The following MICAL3 variants were observed in gnomAD, a reference collection of about 807,000 sequenced individuals.
MICAL3 encodes [F-actin]-monooxygenase MICAL3.
A neutral mutation model predicts 207.4 loss-of-function variants in MICAL3; 62 were observed. That is an observed-to-expected ratio of 0.30 (90% CI 0.24 to 0.37). MICAL3 has a LOEUF of 0.37. Among genes scored for constraint, MICAL3 ranks in the 10% least tolerant of loss-of-function variants. The probability of loss-of-function intolerance (pLI) is 1.00; values close to 1 mark genes in which losing one functional copy is unlikely to be tolerated. For synonymous variants in MICAL3, 1,077 were observed against 1,069.3 expected, an observed-to-expected ratio of 1.01 and a Z score of -0.14; for missense variants, 2,368 against 2,635.6, an observed-to-expected ratio of 0.90 and a Z score of 2.22.
At chr22:17,859,539 C>T (rs1926287038) in intron 19 of MICAL3, among the ~76,000 whole-genome samples, 1 of 152,214 alleles carries the variant, frequency 6.6e-6, no homozygotes, top group East Asian at 1.9e-4. Flanking sequence ...AGGCTAGTCC[C>T]TCCAGGCTGG....
rs1000485979 is a variant in MICAL3, at chr22:17,869,826, C to A, written c.2428+2011G>T. Among the ~76,000 whole-genome samples the A allele has an allele frequency of 2.6e-5, 4 of 152,180 alleles. No homozygotes were observed. The East Asian group carries it at 7.7e-4, about 29-fold the overall frequency. On this transcript the variant is annotated intron_variant, in intron 17 of 31. Coordinates refer to ENST00000441493, the MANE Select transcript of MICAL3 (RefSeq NM_015241.3). ...AACTCAGCTTCCTGACTTCTAATTACAGTAATAAAAAGTTACTTAATGGGG... is the reference window on the plus strand; with the variant it reads ...AACTCAGCTTCCTGACTTCTAATTAAAGTAATAAAAAGTTACTTAATGGGG...
At position 17,885,907 on chromosome 22, in the gene MICAL3, G is replaced by A. The variant is rs748144983; in HGVS notation, c.2212C>T (p.Pro738Ser). The A allele has an allele frequency of 6.2e-7, 1 of 1,613,856 alleles. No homozygotes were observed. The highest frequency in any genetic ancestry group is 1.3e-5 in the African/African-American group (1 of 74,916). The change falls in exon 16 of 32, where the codon CCC (proline) becomes TCC (serine). Residue 738 changes from proline (P) to serine (S), a missense_variant. Physicochemically the swap from Pro to Ser is moderately conservative, Grantham distance 74. This residue lies in a region of MICAL3 where 1,770 missense variants were observed against 1,863.2 expected (regional missense o/e 0.95). Coordinates refer to ENST00000441493, the MANE Select transcript of MICAL3 (RefSeq NM_015241.3). ...QLLAKFEENA[P>S]AQSIGIRRQG... Reference sequence around the variant, plus strand: ...CTCCGTATGCCGATGGACTGTGCGGGCGCATTCTCTTCAAATTTGGCCAGC... The same window carrying A: ...CTCCGTATGCCGATGGACTGTGCGGACGCATTCTCTTCAAATTTGGCCAGC...
intron 1 of MICAL3, among the ~76,000 whole-genome samples, chr22:17,967,486 A>ACACACCCACC (rs1556491355): frequency 6.9e-6 from 1 of 145,592 alleles, no homozygotes; most frequent in African/African-American, 2.5e-5. Flanking sequence ...ACACACACAC[A>ACACACCCACC]CACACACCCA....
At chr22:17,966,607 T>C (rs1935154710) in intron 1 of MICAL3, among the ~76,000 whole-genome samples, 2 of 152,166 alleles carry the variant, frequency 1.3e-5, no homozygotes, top group African/African-American at 2.4e-5. Flanking sequence ...CTGAGATTAA[T>C]CCTGACTCTG....
At chr22:17,865,196 G>A (rs563054453) in intron 18 of MICAL3, among the ~76,000 whole-genome samples, 7 of 151,916 alleles carry the variant, frequency 4.6e-5, no homozygotes, top group Non-Finnish European at 7.4e-5. Flanking sequence ...CTGCAGCCCC[G>A]ACCTCCTGGG....
chr22:17,852,053 C>T (rs1602055848), intron 19 of MICAL3, among the ~76,000 whole-genome samples: 1 of 152,170 alleles, frequency 6.6e-6, no homozygotes, highest in East Asian at 1.9e-4. Context: ...GTCCGGAATG[C>T]ATCCAAAGCC....
intron 1 of MICAL3, among the ~76,000 whole-genome samples, chr22:18,022,912 T>C (rs774943520): frequency 3.3e-5 from 5 of 152,168 alleles, no homozygotes; most frequent in Non-Finnish European, 7.3e-5. Flanking sequence ...GGAATATAGA[T>C]CAGAACACTT....
Position 17,930,570 on chromosome 22 carries a change from G to A in MICAL3, c.-74-23684C>T, listed in dbSNP as rs114275625. Reference sequence around the variant, plus strand: ...AGACACAGGACAGAAAATACTGCACGACTCCATGTACACAAAGACAAGAAC... The same window carrying A: ...AGACACAGGACAGAAAATACTGCACAACTCCATGTACACAAAGACAAGAAC... On this transcript the variant is annotated intron_variant, in intron 1 of 31. Transcript: ENST00000441493. 5.9e-5 allele frequency among the ~76,000 whole-genome samples: 9 copies of A among 152,282 alleles called. No homozygotes were observed. In the East Asian group the frequency reaches 1.5e-3, roughly 26 times the overall value.
chr22:18,000,800 A>G (rs756186200), intron 1 of MICAL3, among the ~76,000 whole-genome samples: 1 of 152,090 alleles, frequency 6.6e-6, no homozygotes, highest in Admixed American at 6.5e-5. Flanking sequence ...TCGGCCACCT[A>G]CCTGCCAGGG....
chr22:17,977,055 C>T (rs1049611010), intron 1 of MICAL3, among the ~76,000 whole-genome samples: 1 of 151,888 alleles, frequency 6.6e-6, no homozygotes, highest in Non-Finnish European at 1.5e-5. Context: ...CGCCCACCTC[C>T]GCCTCCCAAA....
chr22:17,913,968 C>A (rs981548979), intron 1 of MICAL3, among the ~76,000 whole-genome samples: 5 of 152,178 alleles, frequency 3.3e-5, no homozygotes, highest in African/African-American at 1.2e-4. Context: ...ATCCTACAGT[C>A]TCCTCATCTG....
chr22:17,822,481 G>A (rs1197976210), intron 23 of MICAL3, among the ~76,000 whole-genome samples: 3 of 152,190 alleles, frequency 2.0e-5, no homozygotes, highest in Non-Finnish European at 4.4e-5. Flanking sequence ...GCCTGTGGAG[G>A]GCAGGCCTGG....
In MICAL3 at chr22:17,842,021, C is replaced by A. The variant is rs780811454; in HGVS notation, c.2606-4G>T. ...TCCAGGCCGTTCACGCCTGAACCTG[C>A]GGGACAAGCACAGAAGCACTGCACT... On this transcript the variant is annotated splice_region_variant and splice_polypyrimidine_tract_variant and intron_variant, in intron 19 of 31. Coordinates refer to ENST00000441493, the MANE Select transcript of MICAL3 (RefSeq NM_015241.3). 1.3e-6 allele frequency: 2 copies of A among 1,597,926 alleles called. No individual in the cohort carries two copies. The highest frequency in any genetic ancestry group is 4.5e-5 in the East Asian group (2 of 44,764).
intron 1 of MICAL3, among the ~76,000 whole-genome samples, chr22:17,969,331 A>G (rs943341932): frequency 1.3e-5 from 2 of 152,186 alleles, no homozygotes; most frequent in African/African-American, 2.4e-5. Flanking sequence ...GAGCCACTGC[A>G]CCCGGCCAAA....
rs371478556 is a variant in MICAL3 at position 17,865,975 on chromosome 22, G to C, written c.2466C>G (p.Leu822=). Residue 822 remains leucine (L), a synonymous_variant, in exon 18 of 32, where the codon CTC becomes CTG. Coordinates refer to ENST00000441493, the MANE Select transcript of MICAL3 (RefSeq NM_015241.3). ...FYCKPHYCYR[L]SGYAQRKRPA... ...GTCTCTTCCTTTGTGCGTAGCCAGA[G>C]AGTCGATAGCAGTAGTGTGGCTTAC... 3.7e-6 allele frequency: 6 copies of C among 1,613,894 alleles called. No individual in the cohort carries two copies. Among genetic ancestry groups the C allele is most frequent in the African/African-American group, 1.3e-5 (1 of 74,942 alleles).
In MICAL3 at chr22:17,860,868, C is replaced by T. The variant is rs1239351752; in HGVS notation, c.2605+4031G>A. ...GTACGGCTCCCCAGTGTGAGGCTCC[C>T]GTGGTTCTCAGAACCAGGAACAAGC... is the stretch of plus-strand genomic sequence containing the variant. On this transcript the variant is annotated intron_variant, in intron 19 of 31. Transcript: ENST00000441493. 8 of 985,290 alleles carry T rather than the reference C, an allele frequency of 8.1e-6. No homozygotes were observed. In the East Asian group the frequency reaches 4.5e-4, roughly 56 times the overall value. 61.0% of individuals were successfully genotyped at this position (985,290 alleles called of 1,614,324 possible).
chr22:17,919,486 C>T (rs1365863534), intron 1 of MICAL3, among the ~76,000 whole-genome samples: 1 of 152,234 alleles, frequency 6.6e-6, no homozygotes, highest in Non-Finnish European at 1.5e-5. Flanking sequence ...ACAGGTGGTG[C>T]ACAGTGAGGA....
Position 17,841,847 on chromosome 22 carries a change from C to T in MICAL3, c.2776G>A (p.Gly926Ser). Residue 926 changes from glycine (G) to serine (S), a missense_variant, in exon 20 of 32, where the codon GGC becomes AGC. Gly to Ser is a moderately conservative substitution (Grantham distance 56). Transcript: ENST00000441493. The surrounding 1 kb of genome is among the most constrained non-coding windows in gnomAD (Gnocchi z 4.2). ...CTGCTGGCGACGTCCTCCTCGGCGC[C>T]CGTGTCCAGCACGCTGCTCAGGTTG... ...EHNLSSVLDT[G>S]AEEDVASSSS... is the part of the protein sequence containing the mutation. 4 of 1,558,782 alleles carry T rather than the reference C, an allele frequency of 2.6e-6. No individual in the cohort carries two copies. Among genetic ancestry groups the T allele is most frequent in the Non-Finnish European group, 3.5e-6 (4 of 1,154,946 alleles).
chr22:17,918,009 T>C (rs756353469), intron 1 of MICAL3, among the ~76,000 whole-genome samples: 14 of 152,228 alleles, frequency 9.2e-5, no homozygotes, highest in Non-Finnish European at 2.9e-5. Flanking sequence ...CCCACCCGGA[T>C]ACACCTGCTT....
Sources: allele counts gnomAD v4.1 joint callset (sites outside exome capture counted in the v4.1 genomes callset), GRCh38; gene constraint gnomAD v4.1.1; regional missense constraint gnomAD v4.1.1; non-coding constraint Gnocchi (gnomAD v3.1); transcripts MANE v1.5; gene names NCBI Gene and HGNC (gene_info 2026-07-23, HGNC 2026-07-21).